AZI2: variants seen among roughly 807,000 people sequenced by gnomAD.
AZI2 encodes 5-azacytidine-induced protein 2.
Under a neutral mutation model 45.8 loss-of-function variants are expected in AZI2, and 22 were observed. The observed-to-expected ratio is 0.48, with a 90% CI of 0.34 to 0.69. The LOEUF (loss-of-function observed/expected upper bound fraction) is 0.69, where lower values mean the gene tolerates loss of function less well. Ranked by LOEUF, AZI2 falls within the 30% of genes least tolerant of loss-of-function variation. The pLI is 0.01. For missense variants in AZI2, 417 were observed against 441.5 expected, an observed-to-expected ratio of 0.94 and a Z score of 0.50; for synonymous variants, 137 against 156.7, an observed-to-expected ratio of 0.87 and a Z score of 0.94.
chr3:28,324,107 A>T lies in AZI2; in HGVS notation c.1114T>A (p.Leu372Ile), dbSNP rs758093829. The part of the protein sequence containing the change: ...FGETKTKTLP[L>I]PNLPPLHYLD... ...TAATGCAGTGGTGGAAGGTTGGGTAAAGGCAAAGTTTTAGTTTTAGTTTCC... is the reference window on the plus strand; with the variant it reads ...TAATGCAGTGGTGGAAGGTTGGGTATAGGCAAAGTTTTAGTTTTAGTTTCC... The change falls in exon 8 of 8, where the codon TTA becomes ATA. Residue 372 changes from leucine (L) to isoleucine (I), a missense_variant. Coordinates refer to ENST00000479665, the MANE Select transcript of AZI2 (RefSeq NM_022461.5). 1 of 1,610,254 alleles carries T rather than the reference A, an allele frequency of 6.2e-7. No homozygotes were observed.
At position 28,321,802 on chromosome 3, in the gene AZI2, T is replaced by TA. The variant is rs539383695; in HGVS notation, c.*2239dup. 5.3e-5 allele frequency: 8 copies of TA among 151,466 alleles called. No homozygotes were observed. In the East Asian group the frequency reaches 1.6e-3, roughly 29 times the overall value. 9.4% of individuals were successfully genotyped at this position (151,466 alleles called of 1,614,324 possible). A position where few individuals can be genotyped will look rare whatever the true frequency, so the allele number is the denominator to read the frequency against. On this transcript the variant is annotated 3_prime_UTR_variant, in exon 8 of 8. Transcript: ENST00000479665. ...ATTTTGGCAGCAACTCAGTAAGTCT[T>TA]ACAGATGTAAATTTTACTTTAGCTA...
At chr3:28,338,696 A>T in intron 2 of AZI2, 81 bp from the exon 3 acceptor site, 1 of 1,249,490 alleles carries the variant, frequency 8.0e-7, no homozygotes, top group Non-Finnish European at 1.1e-6. Context: ...ATGGCTCCAT[A>T]TCTTACTTCA....
chr3:28,338,983 CTT>C (rs780156964), intron 2 of AZI2, among the ~76,000 whole-genome samples: 2 of 143,414 alleles, frequency 1.4e-5, no homozygotes, highest in African/African-American at 2.5e-5. Flanking sequence ...GCATACTTGA[CTT>C]TTTTTTTTTT....
rs1703271786 is a variant in AZI2, at chr3:28,323,803, A to T, written c.*239T>A. The T allele has an allele frequency of 3.1e-6, 1 of 326,652 alleles. No individual in the cohort carries two copies. Among genetic ancestry groups the T allele is most frequent in the Admixed American group, 4.5e-5 (1 of 22,210 alleles). 20.2% of individuals were successfully genotyped at this position (326,652 alleles called of 1,614,324 possible). ...TTTTTTAAACACCTTAAGTTTACTTATTAATTAGTATAGTAGCATATTTCA... is the reference window on the plus strand; with the variant it reads ...TTTTTTAAACACCTTAAGTTTACTTTTTAATTAGTATAGTAGCATATTTCA... On this transcript the variant is annotated 3_prime_UTR_variant, in exon 8 of 8. Transcript: ENST00000479665.
chr3:28,339,484 T>C (rs1703926880), intron 2 of AZI2, among the ~76,000 whole-genome samples: 3 of 152,096 alleles, frequency 2.0e-5, no homozygotes, highest in Admixed American at 2.0e-4. Flanking sequence ...TATGCCAATA[T>C]GTTACAAATT....
At chr3:28,343,417 G>A (rs1193999116) in intron 1 of AZI2, among the ~76,000 whole-genome samples, 1 of 151,964 alleles carries the variant, frequency 6.6e-6, no homozygotes, top group Non-Finnish European at 1.5e-5. Context: ...AGGCAGGATG[G>A]AGACAAACTG....
chr3:28,326,364 A>G (rs1029615626), intron 7 of AZI2: 1 of 157,332 alleles, frequency 6.4e-6, no homozygotes, highest in Non-Finnish European at 1.4e-5. Flanking sequence ...TATGGAAAGA[A>G]AAGCTTATAA....
At chr3:28,344,512 G>A (rs1704148507) in intron 1 of AZI2, among the ~76,000 whole-genome samples, 1 of 152,032 alleles carries the variant, frequency 6.6e-6, no homozygotes, top group African/African-American at 2.4e-5. Context: ...TTTCTACAGA[G>A]AAGTAAAGGG....
intron 1 of AZI2, among the ~76,000 whole-genome samples, chr3:28,342,844 T>G (rs1400141081): frequency 2.0e-5 from 3 of 151,890 alleles, no homozygotes; most frequent in African/African-American, 4.8e-5. Context: ...GTACCCACAG[T>G]AGACATTTGA....
intron 1 of AZI2, among the ~76,000 whole-genome samples, chr3:28,342,135 T>C (rs78303017): frequency 0.012 from 1,805 of 152,214 alleles, 38 homozygotes; most frequent in African/African-American, 0.041. Context: ...TCTGGTCTTA[T>C]ATCATTATAT....
At chr3:28,333,783 G>C (rs888493005) in intron 5 of AZI2, among the ~76,000 whole-genome samples, 4 of 151,478 alleles carry the variant, frequency 2.6e-5, no homozygotes, top group African/African-American at 9.7e-5. Flanking sequence ...CATGATGTGG[G>C]AGTTTCATAT....
At position 28,336,772 on chromosome 3, in the gene AZI2, C is replaced by T. The variant is rs201211825; in HGVS notation, c.553G>A (p.Asp185Asn). 434 of 1,613,002 alleles carry T rather than the reference C, an allele frequency of 2.7e-4. 3 individuals are homozygous for T. The highest frequency in any genetic ancestry group is 4.5e-4 in the South Asian group (41 of 90,988). The part of the protein sequence containing the change: ...ELELMRKECS[D>N]LKIELQKAKQ... ...GCTTTCTGTAGTTCTATTTTGAGATCGCTACATTCTTTCCTCATCAGTTCC... is the reference window on the plus strand; with the variant it reads ...GCTTTCTGTAGTTCTATTTTGAGATTGCTACATTCTTTCCTCATCAGTTCC... The change falls in exon 5 of 8, where the codon GAT becomes AAT. Residue 185 changes from aspartate to asparagine, a missense_variant. By Grantham distance (23) the Asp-to-Asn change is conservative (BLOSUM62 1). Transcript: ENST00000479665.
Position 28,335,302 on chromosome 3 carries a change from CAG to C in AZI2, c.588+1433_588+1434del, listed in dbSNP as rs558048557. Among the ~76,000 whole-genome samples the C allele has an allele frequency of 4.4e-3, 672 of 152,002 alleles. 5 individuals carry two copies. The highest frequency in any genetic ancestry group is 7.3e-3 in the Non-Finnish European group (495 of 67,934). On this transcript the variant is annotated intron_variant, in intron 5 of 7. Transcript: ENST00000479665. ...AAAGGCTATCAAATTTCCTTTCAAA[CAG>C]AATATAAATAATGACAATTATAATT...
rs1015858853 is a variant in AZI2 at position 28,323,886 on chromosome 3, G to T, written c.*156C>A. The T allele has an allele frequency of 3.9e-6, 3 of 766,408 alleles. No homozygotes were observed. The highest frequency in any genetic ancestry group is 6.0e-6 in the Non-Finnish European group (3 of 498,644). 47.5% of individuals were successfully genotyped at this position (766,408 alleles called of 1,614,324 possible). A position where few individuals can be genotyped will look rare whatever the true frequency, so the allele number is the denominator to read the frequency against. ...TTCATACTAGAAAACCAACTATGTT[G>T]GTTTTTGTACTATTGTACAGTGTGT... On this transcript the variant is annotated 3_prime_UTR_variant, in exon 8 of 8. Coordinates refer to ENST00000479665, the MANE Select transcript of AZI2 (RefSeq NM_022461.5).
intron 5 of AZI2, among the ~76,000 whole-genome samples, chr3:28,333,252 C>T (rs1703655443): frequency 6.6e-6 from 1 of 151,846 alleles, no homozygotes; most frequent in East Asian, 1.9e-4. Context: ...TGAGTACTCT[C>T]AACTTGAGAG....
At chr3:28,325,754 G>T (rs910961181) in intron 7 of AZI2, among the ~76,000 whole-genome samples, 1 of 151,044 alleles carries the variant, frequency 6.6e-6, no homozygotes, top group African/African-American at 2.4e-5. Flanking sequence ...TTTATAGAGA[G>T]ATCTTATTTG....
At chr3:28,325,457 T>TA (rs1432344611) in intron 7 of AZI2, among the ~76,000 whole-genome samples, 1 of 150,980 alleles carries the variant, frequency 6.6e-6, no homozygotes, top group East Asian at 1.9e-4. Flanking sequence ...AAAAAGGTGA[T>TA]ACAAAGGTCA....
rs1431280161 is a variant in AZI2 at position 28,340,596 on chromosome 3, C to G, written c.22G>C (p.Asp8His). MDALVED[D>H]ICILNHEKAH... ...TTTTCATGATTCAGAATACAGATAT[C>G]ATCTTCTACCAGTGCATCCATGACA... is the stretch of plus-strand genomic sequence containing the variant. Residue 8 changes from aspartate (D) to histidine (H), a missense_variant, in exon 2 of 8, where the codon GAT becomes CAT. Transcript: ENST00000479665. 1 of 1,609,826 alleles carries G rather than the reference C, an allele frequency of 6.2e-7. No homozygotes were observed. The highest frequency in any genetic ancestry group is 2.2e-5 in the East Asian group (1 of 44,708).
Position 28,337,088 on chromosome 3 carries a change from T to A in AZI2, c.440-203A>T, listed in dbSNP as rs1703823938. The A allele has an allele frequency of 1.3e-5, 7 of 532,904 alleles. No individual in the cohort carries two copies. The East Asian group carries it at 2.2e-4, about 17-fold the overall frequency. The allele number at this position is 532,904 out of a possible 1,614,324, so 33.0% of individuals were successfully genotyped here. On this transcript the variant is annotated intron_variant, in intron 4 of 7. Transcript: ENST00000479665. ...AATGAGAAATCTAGCAATCTTGTTT[T>A]AGAATTTCTAAAGACAACTACACTA...
Sources: allele counts gnomAD v4.1 joint callset (sites outside exome capture counted in the v4.1 genomes callset), GRCh38; gene constraint gnomAD v4.1.1; transcripts MANE v1.5; gene names NCBI Gene and HGNC (gene_info 2026-07-23, HGNC 2026-07-21).